GLI3: variants seen among roughly 807,000 people sequenced by gnomAD.
GLI3 encodes transcription activator GLI3.
A neutral mutation model predicts 100.8 loss-of-function variants in GLI3; 20 were observed. The observed-to-expected ratio is 0.20, with a 90% CI of 0.14 to 0.29. The LOEUF is 0.29. Among genes scored for constraint, GLI3 ranks in the 10% least tolerant of loss-of-function variants. The probability of loss-of-function intolerance (pLI) is 1.00; values close to 1 mark genes in which losing one functional copy is unlikely to be tolerated. For synonymous variants in GLI3, 938 were observed against 860.5 expected (o/e 1.09, Z -1.58); for missense variants, 2,040 against 2,128.5 (o/e 0.96, Z 0.82).
At chr7:42,162,315 T>G (rs1327464000) in intron 2 of GLI3, among the ~76,000 whole-genome samples, 1 of 152,206 alleles carries the variant, frequency 6.6e-6, no homozygotes, top group Non-Finnish European at 1.5e-5. Context: ...CAGGGATAGA[T>G]TCAACTGAAC....
intron 1 of GLI3, among the ~76,000 whole-genome samples, chr7:42,254,373 G>A (rs972711079): frequency 6.6e-6 from 1 of 152,138 alleles, no homozygotes; most frequent in African/African-American, 2.4e-5. Flanking sequence ...AAATATAGAA[G>A]AAAATCCTAT....
At chr7:42,236,623 C>CGGGGCT (rs1562796802) in intron 1 of GLI3, among the ~76,000 whole-genome samples, 1 of 152,196 alleles carries the variant, frequency 6.6e-6, no homozygotes, top group Admixed American at 6.5e-5. Flanking sequence ...CAGGCGCGTG[C>CGGGGCT]GGGGCTCGCG....
intron 2 of GLI3, among the ~76,000 whole-genome samples, chr7:42,184,993 A>G (rs1462622288): frequency 6.6e-6 from 1 of 151,936 alleles, no homozygotes; most frequent in Non-Finnish European, 1.5e-5. Flanking sequence ...ACAAAACTCT[A>G]TCTCAGAGTC....
At chr7:42,261,200 A>AAC (rs10524898) in intron 1 of GLI3, among the ~76,000 whole-genome samples, 5,541 of 147,414 alleles carry the variant, frequency 0.038, 113 homozygotes, top group Middle Eastern at 0.051. Flanking sequence ...CACACACACA[A>AAC]ACACACACAC....
At chr7:42,009,631 C>T (rs191751293) in intron 10 of GLI3, among the ~76,000 whole-genome samples, 10 of 152,218 alleles carry the variant, frequency 6.6e-5, no homozygotes, top group East Asian at 3.9e-4. Flanking sequence ...CAGCTGGGCA[C>T]GCATGCTTCC....
chr7:41,966,252 G>T lies in GLI3; in HGVS notation c.2821C>A (p.Pro941Thr). 6.2e-7 allele frequency: 1 copy of T among 1,607,982 alleles called. No homozygotes were observed. The highest frequency in any genetic ancestry group is 8.5e-7 in the Non-Finnish European group (1 of 1,179,088). The change falls in exon 15 of 15, where the codon CCG becomes ACG. Residue 941 changes from proline to threonine, a missense_variant. Pro to Thr is a conservative substitution (Grantham distance 38). Around this residue, in one of 5 missense-constraint regions of GLI3, gnomAD observed 1,041 missense variants for 924.0 expected, o/e 1.13. Coordinates refer to ENST00000395925, the MANE Select transcript of GLI3 (RefSeq NM_000168.6). This position sits in a 1 kb window ranked among gnomAD's most constrained non-coding sequence, Gnocchi z 5.8. ...TCCATGTTGGGCAGGGGCGTCGGCG[G>T]CGGCCCTCCTGTGGCAGCCGCGTAC... Reference protein sequence around the residue: ...AKYAAATGGPPPTPLPNMERM... With the variant: ...AKYAAATGGPTPTPLPNMERM...
At chr7:42,146,429 A>G (rs1333047847) in intron 3 of GLI3, among the ~76,000 whole-genome samples, 5 of 152,218 alleles carry the variant, frequency 3.3e-5, no homozygotes, top group East Asian at 1.9e-4. Context: ...CCGTTAAAAC[A>G]AACGAACCAA....
intron 2 of GLI3, among the ~76,000 whole-genome samples, chr7:42,160,938 A>G (rs1482585194): frequency 6.6e-6 from 1 of 152,180 alleles, no homozygotes; most frequent in Non-Finnish European, 1.5e-5. Flanking sequence ...CACTTCTTCA[A>G]CGTATCTCTG....
chr7:42,209,227 T>G (rs1308819890), intron 2 of GLI3, among the ~76,000 whole-genome samples: 1 of 152,056 alleles, frequency 6.6e-6, no homozygotes, highest in Non-Finnish European at 1.5e-5. Context: ...TTTAATAATT[T>G]TTTTGTAGAG....
chr7:42,195,255 C>T (rs1442914200), intron 2 of GLI3, among the ~76,000 whole-genome samples: 1 of 152,192 alleles, frequency 6.6e-6, no homozygotes, highest in Non-Finnish European at 1.5e-5. Flanking sequence ...TCCTTGAACA[C>T]TGTCATGTCT....
intron 3 of GLI3, among the ~76,000 whole-genome samples, chr7:42,103,964 G>T (rs1785521455): frequency 6.6e-6 from 1 of 152,158 alleles, no homozygotes; most frequent in Non-Finnish European, 1.5e-5. Context: ...ATGATGTTAG[G>T]CATGTGGGTG....
At chr7:42,236,238 A>C (rs1281158792) in intron 1 of GLI3, among the ~76,000 whole-genome samples, 4 of 152,174 alleles carry the variant, frequency 2.6e-5, no homozygotes, top group Non-Finnish European at 5.9e-5. Context: ...CTGCTACTCA[A>C]GAAAGTAACT....
intron 4 of GLI3, among the ~76,000 whole-genome samples, chr7:42,053,722 G>C (rs988979512): frequency 3.3e-5 from 5 of 152,150 alleles, no homozygotes; most frequent in Non-Finnish European, 7.4e-5. Flanking sequence ...TCATTGGAGG[G>C]AGACACAAAC....
rs987903342 is a variant in GLI3 at position 42,230,108 on chromosome 7, G to T, written c.-42-6813C>A. Among the ~76,000 whole-genome samples, 21 of 120,126 alleles carry T rather than the reference G, an allele frequency of 1.7e-4. 2 individuals are homozygous for T. The South Asian group carries it at 2.5e-3, about 14-fold the overall frequency. 78.8% of individuals were successfully genotyped at this position (120,126 alleles called of 152,430 possible). A position where few individuals can be genotyped will look rare whatever the true frequency, so the allele number is the denominator to read the frequency against. ...TCTGCAAGGGTTGGGCGGGGGGGGG[G>T]GGGGTGGAAAGCCCAACTTCATAAG... On this transcript the variant is annotated intron_variant, in intron 1 of 14. Coordinates refer to ENST00000395925, the MANE Select transcript of GLI3 (RefSeq NM_000168.6).
At chr7:41,976,671 G>A (rs1367761284) in intron 12 of GLI3, among the ~76,000 whole-genome samples, 6 of 152,256 alleles carry the variant, frequency 3.9e-5, no homozygotes, top group South Asian at 4.1e-4. Context: ...GACACGCTGT[G>A]GTGCTGAACT....
chr7:41,964,979 G>T lies in GLI3; in HGVS notation c.4094C>A (p.Pro1365Gln), dbSNP rs1787120036. ...NIYQGPESCL[P>Q]GAHGMGSQPS... ...CTGGCTGCCCATGCCGTGAGCCCCTGGCAGGCAGCTCTCTGGCCCTTGGTA... is the reference window on the plus strand; with the variant it reads ...CTGGCTGCCCATGCCGTGAGCCCCTTGCAGGCAGCTCTCTGGCCCTTGGTA... The change falls in exon 15 of 15, where the codon CCA (proline) becomes CAA (glutamine). Residue 1365 changes from proline to glutamine, a missense_variant. Transcript: ENST00000395925. 1.2e-6 allele frequency: 2 copies of T among 1,613,590 alleles called. No individual in the cohort carries two copies. The highest frequency in any genetic ancestry group is 2.7e-5 in the African/African-American group (2 of 74,922).
intron 3 of GLI3, among the ~76,000 whole-genome samples, chr7:42,120,909 T>A (rs746867225): frequency 2.1e-4 from 32 of 152,196 alleles, no homozygotes; most frequent in Admixed American, 2.6e-4. Flanking sequence ...CAAACCTGAG[T>A]GCTAAATAGG....
intron 3 of GLI3, among the ~76,000 whole-genome samples, chr7:42,085,639 A>G (rs1203923580): frequency 6.6e-6 from 1 of 152,226 alleles, no homozygotes; most frequent in Non-Finnish European, 1.5e-5. Flanking sequence ...ATACCAGAGC[A>G]CACAGGACTT....
At chr7:42,223,336 G>GAAA (rs11266806) in intron 1 of GLI3, 41 bp from the exon 2 acceptor site, 1,902 of 841,734 alleles carry the variant, frequency 2.3e-3, no homozygotes, top group East Asian at 2.8e-3. Flanking sequence ...CAAAATGGTG[G>GAAA]AAAAAAAAAA....
Sources: gnomAD v4.1 joint callset for allele counts (sites outside exome capture counted in the v4.1 genomes callset) on GRCh38, gnomAD v4.1.1 for gene constraint, gnomAD v4.1.1 regional missense constraint, Gnocchi (gnomAD v3.1) non-coding constraint, MANE v1.5 for transcripts, NCBI Gene and HGNC (gene_info 2026-07-23, HGNC 2026-07-21) for gene names.